CAMTA1: variants seen among roughly 807,000 people sequenced by gnomAD.
CAMTA1 encodes the protein calmodulin binding transcription activator 1, also known as calmodulin-binding transcription activator 1.
CAMTA1 carries 27 observed loss-of-function variants against 170.9 expected under a neutral mutation model. The observed-to-expected ratio is 0.16, with a 90% CI of 0.12 to 0.22. The LOEUF is 0.22. Ranked by LOEUF, CAMTA1 falls within the 10% of genes least tolerant of loss-of-function variation. The pLI is 1.00. For synonymous variants in CAMTA1, 833 were observed against 891.5 expected (o/e 0.93, Z 1.17); for missense variants, 1,619 against 2,217.2 (o/e 0.73, Z 5.42).
intron 6 of CAMTA1, among the ~76,000 whole-genome samples, chr1:7,521,532 G>A (rs993096655): frequency 6.6e-6 from 1 of 151,542 alleles, no homozygotes; most frequent in South Asian, 2.1e-4. Flanking sequence ...ATCCACCACC[G>A]TTGCATGTCC....
At chr1:7,031,303 C>T (rs1702768105) in intron 3 of CAMTA1, among the ~76,000 whole-genome samples, 1 of 152,078 alleles carries the variant, frequency 6.6e-6, no homozygotes, top group Non-Finnish European at 1.5e-5. Flanking sequence ...TAATTAACTT[C>T]TCTATAATTA....
intron 5 of CAMTA1, among the ~76,000 whole-genome samples, chr1:7,422,509 T>C (rs1263988226): frequency 6.6e-6 from 1 of 152,140 alleles, no homozygotes; most frequent in African/African-American, 2.4e-5. Flanking sequence ...GGGGGATCTG[T>C]GCTGTGCTGC....
chr1:7,672,195 G>A, intron 10 of CAMTA1: 1 of 398,412 alleles, frequency 2.5e-6, no homozygotes, highest in South Asian at 1.9e-5. Flanking sequence ...GCTCAGTGTA[G>A]AAGACTGGGG....
intron 3 of CAMTA1, among the ~76,000 whole-genome samples, chr1:6,954,743 G>A (rs1689136342): frequency 6.6e-6 from 1 of 152,128 alleles, no homozygotes; most frequent in Non-Finnish European, 1.5e-5. Context: ...GCCCTGCCCC[G>A]CCGCCTGGGC....
At chr1:7,107,313 C>T (rs924812758) in intron 4 of CAMTA1, among the ~76,000 whole-genome samples, 3 of 127,698 alleles carry the variant, frequency 2.3e-5, no homozygotes, top group Non-Finnish European at 4.6e-5. Flanking sequence ...CGCGCCCACA[C>T]ACACAGCTGT....
intron 3 of CAMTA1, among the ~76,000 whole-genome samples, chr1:7,001,162 CA>C (rs377489645): frequency 2.6e-5 from 4 of 152,206 alleles, no homozygotes; most frequent in African/African-American, 9.7e-5. Flanking sequence ...CTCACCACTT[CA>C]AAACCACCAA....
rs1691429896 is a variant in CAMTA1 at position 6,965,835 on chromosome 1, T to C, written c.235-125469T>C. ...GGCATTAACTGCATATCAGAGACCC[T>C]TTCAGAAGCCAAACAGGATGACATT... On this transcript the variant is annotated intron_variant, in intron 3 of 22. Coordinates refer to ENST00000303635, the MANE Select transcript of CAMTA1 (RefSeq NM_015215.4). This position sits in a 1 kb window ranked among gnomAD's most constrained non-coding sequence, Gnocchi z 4.1. Among the ~76,000 whole-genome samples, 1 of 152,192 alleles carries C rather than the reference T, an allele frequency of 6.6e-6. No homozygotes were observed. Among genetic ancestry groups the C allele is most frequent in the Non-Finnish European group, 1.5e-5 (1 of 68,044 alleles).
At chr1:7,136,983 T>C (rs2148581659) in intron 4 of CAMTA1, among the ~76,000 whole-genome samples, 1 of 152,320 alleles carries the variant, frequency 6.6e-6, no homozygotes, top group Middle Eastern at 3.4e-3. Context: ...GGCTTTCCCC[T>C]GGCCTTCAGA....
At chr1:6,884,235 C>A (rs185314765) in intron 3 of CAMTA1, among the ~76,000 whole-genome samples, 1 of 150,842 alleles carries the variant, frequency 6.6e-6, no homozygotes, top group African/African-American at 2.4e-5. Context: ...TCATGTGCTT[C>A]GATGGCTGAA....
At chr1:7,608,992 G>A (rs1382904921) in intron 6 of CAMTA1, among the ~76,000 whole-genome samples, 1 of 152,112 alleles carries the variant, frequency 6.6e-6, no homozygotes, top group African/African-American at 2.4e-5. Context: ...GGCAGGAGCT[G>A]TCTGGCTAGG....
At chr1:7,563,966 TG>T (rs1281316362) in intron 6 of CAMTA1, among the ~76,000 whole-genome samples, 2 of 151,610 alleles carry the variant, frequency 1.3e-5, no homozygotes, top group Non-Finnish European at 2.9e-5. Flanking sequence ...AGGGGCTGGG[TG>T]GGGGGTAGAC....
intron 6 of CAMTA1, among the ~76,000 whole-genome samples, chr1:7,549,607 T>C (rs2094771285): frequency 6.6e-6 from 1 of 152,154 alleles, no homozygotes; most frequent in African/African-American, 2.4e-5. Flanking sequence ...GTTTAAATCT[T>C]TTCATCTCAC....
At chr1:6,912,556 C>T (rs1679952379) in intron 3 of CAMTA1, among the ~76,000 whole-genome samples, 1 of 152,228 alleles carries the variant, frequency 6.6e-6, no homozygotes, top group Non-Finnish European at 1.5e-5. Context: ...CTTTCTCATG[C>T]CATAGTAAAG....
intron 5 of CAMTA1, among the ~76,000 whole-genome samples, chr1:7,465,858 C>A (rs1363788623): frequency 6.6e-6 from 1 of 152,108 alleles, no homozygotes; most frequent in Non-Finnish European, 1.5e-5. Context: ...ATGGTGAAAA[C>A]CAACCACGGT....
chr1:7,037,375 A>G (rs1038613034), intron 3 of CAMTA1, among the ~76,000 whole-genome samples: 1 of 151,942 alleles, frequency 6.6e-6, no homozygotes, highest in Non-Finnish European at 1.5e-5. Flanking sequence ...CAGGGAGAGG[A>G]TCCCACTTGA....
At chr1:6,807,137 GGAGGCTTCTTGAGAGCTCTGGA>G (rs1188302835) in intron 1 of CAMTA1, 5 of 503,682 alleles carry the variant, frequency 9.9e-6, no homozygotes, top group South Asian at 3.0e-5. Flanking sequence ...CAAGGTTGGG[GGAGGCTTCTTGAGAGCTCTGGA>G]GGAAAATGGG....
intron 3 of CAMTA1, among the ~76,000 whole-genome samples, chr1:6,843,352 A>G (rs895104387): frequency 6.6e-6 from 1 of 152,232 alleles, no homozygotes; most frequent in East Asian, 1.9e-4. Flanking sequence ...GTGGTCATCC[A>G]ATTTGGAAAG....
chr1:7,296,655 G>A (rs1352041131), intron 5 of CAMTA1, among the ~76,000 whole-genome samples: 1 of 152,192 alleles, frequency 6.6e-6, no homozygotes, highest in Non-Finnish European at 1.5e-5. Flanking sequence ...TGGTAGTGGA[G>A]CAGGTCTAGG....
chr1:7,394,832 TGTGTGTG>T (rs2089125976), intron 5 of CAMTA1, among the ~76,000 whole-genome samples: 1 of 150,488 alleles, frequency 6.6e-6, no homozygotes, highest in South Asian at 2.1e-4. Context: ...TGTGTGTGTG[TGTGTGTG>T]TGTCTGTGTG....
Sources: allele counts gnomAD v4.1 joint callset (sites outside exome capture counted in the v4.1 genomes callset), GRCh38; gene constraint gnomAD v4.1.1; non-coding constraint Gnocchi (gnomAD v3.1); transcripts MANE v1.5; gene names NCBI Gene and HGNC (gene_info 2026-07-23, HGNC 2026-07-21).